ZNF737: variants seen among roughly 807,000 people sequenced by gnomAD.
The protein encoded by ZNF737 is zinc finger protein 737.
ZNF737 carries 13 observed loss-of-function variants against 11.7 expected under a neutral mutation model. The observed-to-expected ratio is 1.11, with a 90% CI of 0.73 to 1.77. The LOEUF (loss-of-function observed/expected upper bound fraction) is 1.77, where lower values mean the gene tolerates loss of function less well. ZNF737 is among the 40% of genes most tolerant of loss of function. The pLI is 0.00. For synonymous variants in ZNF737, 217 were observed against 216.2 expected, an observed-to-expected ratio of 1.00 and a Z score of -0.03; for missense variants, 636 against 638.0, an observed-to-expected ratio of 1.00 and a Z score of 0.03.
At position 20,543,087 on chromosome 19, in the gene ZNF737, C is replaced by G; in HGVS notation, c.*1505G>C. 1.0e-6 allele frequency: 1 copy of G among 971,228 alleles called. No homozygotes were observed. Among genetic ancestry groups the G allele is most frequent in the South Asian group, 4.8e-5 (1 of 20,906 alleles). The allele number at this position is 971,228 out of a possible 1,614,324, so 60.2% of individuals were successfully genotyped here. Reference sequence around the variant, plus strand: ...GGGGCCTTAGTTATTCTACTGTAAACTCTCTTGATATTTATATACAATCTA... The same window carrying G: ...GGGGCCTTAGTTATTCTACTGTAAAGTCTCTTGATATTTATATACAATCTA... On this transcript the variant is annotated 3_prime_UTR_variant, in exon 4 of 4. Coordinates refer to ENST00000427401, the MANE Select transcript of ZNF737 (RefSeq NM_001159293.2).
chr19:20,548,962 G>GAAAAAAAAAAAAAAAAAAAA (rs3047010), intron 3 of ZNF737, among the ~76,000 whole-genome samples: 1 of 86,442 alleles, frequency 1.2e-5, no homozygotes, highest in Non-Finnish European at 2.0e-5. Context: ...AAGAAAAACT[G>GAAAAAAAAAAAAAAAAAAAA]AAAAAAAAAA....
Position 20,539,016 on chromosome 19 carries a change from C to T in ZNF737, c.*5576G>A, listed in dbSNP as rs782400563. Reference sequence around the variant, plus strand: ...TTCCTGCCTACCAAAATTATTCTGGCTGGGAAAAGTGGCTCATGCCTGTAA... The same window carrying T: ...TTCCTGCCTACCAAAATTATTCTGGTTGGGAAAAGTGGCTCATGCCTGTAA... On this transcript the variant is annotated 3_prime_UTR_variant, in exon 4 of 4. Coordinates refer to ENST00000427401, the MANE Select transcript of ZNF737 (RefSeq NM_001159293.2). The T allele has an allele frequency of 6.1e-6, 6 of 985,330 alleles. No individual in the cohort carries two copies. Among genetic ancestry groups the T allele is most frequent in the Non-Finnish European group, 7.2e-6 (6 of 829,862 alleles). 61.0% of individuals were successfully genotyped at this position (985,330 alleles called of 1,614,324 possible).
intron 3 of ZNF737, among the ~76,000 whole-genome samples, chr19:20,549,020 A>C (rs1251365385): frequency 6.6e-6 from 1 of 150,826 alleles, no homozygotes; most frequent in Non-Finnish European, 1.5e-5. Flanking sequence ...CAAATCATAG[A>C]AGTGTCTCTC....
At position 20,545,956 on chromosome 19, in the gene ZNF737, G is replaced by C; in HGVS notation, c.247C>G (p.Arg83Gly). ...ATGCTCTGCTCTGGCCAAAGATCTC[G>C]GGCAAAATGAGAACACGTAACTGAA... ...NPSVTCSHFA[R>G]DLWPEQSIKD... The change falls in exon 4 of 4, where the codon CGA becomes GGA. Residue 83 changes from arginine to glycine, a missense_variant. Physicochemically the swap from Arg to Gly is moderately radical, Grantham distance 125. Transcript: ENST00000427401. 1 of 1,550,276 alleles carries C rather than the reference G, an allele frequency of 6.5e-7. No homozygotes were observed. Among genetic ancestry groups the C allele is most frequent in the South Asian group, 1.3e-5 (1 of 79,484 alleles).
chr19:20,550,067 T>C (rs1968610375), intron 3 of ZNF737, among the ~76,000 whole-genome samples: 2 of 152,140 alleles, frequency 1.3e-5, no homozygotes, highest in South Asian at 4.1e-4. Context: ...TAATTATAAA[T>C]AGAAGATTCT....
chr19:20,531,308 C>T (rs1241635972), downstream of ZNF737, among the ~76,000 whole-genome samples: 4 of 147,610 alleles, frequency 2.7e-5, no homozygotes, highest in African/African-American at 1.0e-4. Context: ...TGTTCGAACG[C>T]CTCCAACACT....
Position 20,552,515 on chromosome 19 carries a change from A to G in ZNF737, c.186T>C (p.Pro62=). 2 of 1,594,760 alleles carry G rather than the reference A, an allele frequency of 1.3e-6. No homozygotes were observed. Among genetic ancestry groups the G allele is most frequent in the East Asian group, 2.3e-5 (1 of 44,260 alleles). Residue 62 remains proline (P), a synonymous_variant, in exon 3 of 4, where the codon CCT becomes CCC. Transcript: ENST00000427401. ...LITCLEQGKK[P]LTMKKHEMVA... The stretch of plus-strand genomic sequence containing the variant: ...CCATCTCATGTTTCTTCATGGTCAA[A>G]GGTTTTTTTCCTTGCTCCAGACAGG...
In ZNF737 at chr19:20,540,902, A is replaced by G. The variant is rs1968177356; in HGVS notation, c.*3690T>C. The G allele has an allele frequency of 2.1e-6, 2 of 965,244 alleles. No homozygotes were observed. Among genetic ancestry groups the G allele is most frequent in the African/African-American group, 1.8e-5 (1 of 56,816 alleles). The allele number at this position is 965,244 out of a possible 1,614,324, so 59.8% of individuals were successfully genotyped here. A position where few individuals can be genotyped will look rare whatever the true frequency, so the allele number is the denominator to read the frequency against. ...TTAAATTATTTTTTATGCACCATTT[A>G]TACATTCACACACACATAGAACAAT... On this transcript the variant is annotated 3_prime_UTR_variant, in exon 4 of 4. Transcript: ENST00000427401.
At chr19:20,533,799 C>A (rs1555753310), downstream of ZNF737, among the ~76,000 whole-genome samples, 1 of 150,040 alleles carries the variant, frequency 6.7e-6, no homozygotes, top group Non-Finnish European at 1.5e-5. Context: ...AGATAATTAG[C>A]TGATCGGGAT....
rs543734864 is a variant in ZNF737 at position 20,564,658 on chromosome 19, A to T, written c.3+980T>A. ...AGAGCGAGACTCCGTCTCAAAAAAAAAAAAATAAAAATAATAAATTGAGGA... is the reference window on the plus strand; with the variant it reads ...AGAGCGAGACTCCGTCTCAAAAAAATAAAAATAAAAATAATAAATTGAGGA... On this transcript the variant is annotated intron_variant, in intron 1 of 3. Coordinates refer to ENST00000427401, the MANE Select transcript of ZNF737 (RefSeq NM_001159293.2). Among the ~76,000 whole-genome samples the T allele has an allele frequency of 1.4e-4, 22 of 152,116 alleles. No homozygotes were observed. In the East Asian group the frequency reaches 3.1e-3, roughly 21 times the overall value.
At chr19:20,549,649 G>T (rs1225371154) in intron 3 of ZNF737, among the ~76,000 whole-genome samples, 6 of 151,952 alleles carry the variant, frequency 3.9e-5, no homozygotes, top group Non-Finnish European at 7.4e-5. Context: ...AAATTGTCAG[G>T]CCGGGCACAG....
At chr19:20,558,521 C>T (rs1039729041) in intron 1 of ZNF737, among the ~76,000 whole-genome samples, 2 of 151,562 alleles carry the variant, frequency 1.3e-5, no homozygotes, top group Non-Finnish European at 2.9e-5. Context: ...TTTTTAATGG[C>T]CATATAAAAT....
At chr19:20,549,772 A>G (rs1239431134) in intron 3 of ZNF737, among the ~76,000 whole-genome samples, 1 of 151,934 alleles carries the variant, frequency 6.6e-6, no homozygotes, top group Non-Finnish European at 1.5e-5. Context: ...TCTACTAAAA[A>G]TACAAAAATT....
In ZNF737 at chr19:20,541,681, C is replaced by T. The variant is rs1186427977; in HGVS notation, c.*2911G>A. On this transcript the variant is annotated 3_prime_UTR_variant, in exon 4 of 4. Coordinates refer to ENST00000427401, the MANE Select transcript of ZNF737 (RefSeq NM_001159293.2). The stretch of plus-strand genomic sequence containing the variant: ...CCTCAAGCATTCCACCTGTCTCGGC[C>T]TCCCAAAGTGCTGGAATTACAGATG... 6.6e-6 allele frequency among the ~76,000 whole-genome samples: 1 copy of T among 152,204 alleles called. No individual in the cohort carries two copies. Among genetic ancestry groups the T allele is most frequent in the African/African-American group, 2.4e-5 (1 of 41,460 alleles).
rs1414087483 is a variant in ZNF737, at chr19:20,540,894, C to T, written c.*3698G>A. ...TTTCTGGCTTAAATTATTTTTTATG[C>T]ACCATTTATACATTCACACACACAT... On this transcript the variant is annotated 3_prime_UTR_variant, in exon 4 of 4. Coordinates refer to ENST00000427401, the MANE Select transcript of ZNF737 (RefSeq NM_001159293.2). 1.0e-6 allele frequency: 1 copy of T among 963,294 alleles called. No homozygotes were observed. The highest frequency in any genetic ancestry group is 1.2e-6 in the Non-Finnish European group (1 of 809,986). 59.7% of individuals were successfully genotyped at this position (963,294 alleles called of 1,614,324 possible).
rs148647271 is a variant in ZNF737, at chr19:20,559,940, G to A, written c.3+5698C>T. On this transcript the variant is annotated intron_variant, in intron 1 of 3. Coordinates refer to ENST00000427401, the MANE Select transcript of ZNF737 (RefSeq NM_001159293.2). ...CCAGCACTTTGGGAGGCCGAGGCGGGTGGATCATGAGGTCAGGAGATCGAG... is the reference window on the plus strand; with the variant it reads ...CCAGCACTTTGGGAGGCCGAGGCGGATGGATCATGAGGTCAGGAGATCGAG... 5.8e-3 allele frequency among the ~76,000 whole-genome samples: 883 copies of A among 151,948 alleles called. 16 individuals carry two copies. Among genetic ancestry groups the A allele is most frequent in the Admixed American group, 0.031 (466 of 15,232 alleles).
chr19:20,535,858 A>AT (rs1555753737), downstream of ZNF737: 3 of 158,524 alleles, frequency 1.9e-5, no homozygotes, highest in African/African-American at 7.2e-5. Flanking sequence ...AAAGTGTAAA[A>AT]AAAAAAAAAA....
chr19:20,542,041 T>G lies in ZNF737; in HGVS notation c.*2551A>C. The G allele has an allele frequency of 3.0e-6, 3 of 985,072 alleles. No individual in the cohort carries two copies. The highest frequency in any genetic ancestry group is 3.6e-6 in the Non-Finnish European group (3 of 829,662). The allele number at this position is 985,072 out of a possible 1,614,324, so 61.0% of individuals were successfully genotyped here. A position where few individuals can be genotyped will look rare whatever the true frequency, so the allele number is the denominator to read the frequency against. On this transcript the variant is annotated 3_prime_UTR_variant, in exon 4 of 4. Coordinates refer to ENST00000427401, the MANE Select transcript of ZNF737 (RefSeq NM_001159293.2). Reference sequence around the variant, plus strand: ...GAACAATATTTAACTCATTTGCAGTTTAAAGCCACTGACAGTGATTACTAA... The same window carrying G: ...GAACAATATTTAACTCATTTGCAGTGTAAAGCCACTGACAGTGATTACTAA...
At position 20,542,980 on chromosome 19, in the gene ZNF737, TAG is replaced by T; in HGVS notation, c.*1610_*1611del. ...AAAATCTACTCCTTTTAAAGTTAAA[TAG>T]AAATCATTTACCTAAAAACTGCAGT... On this transcript the variant is annotated 3_prime_UTR_variant, in exon 4 of 4. Coordinates refer to ENST00000427401, the MANE Select transcript of ZNF737 (RefSeq NM_001159293.2). 1.0e-6 allele frequency: 1 copy of T among 985,050 alleles called. No individual in the cohort carries two copies. Among genetic ancestry groups the T allele is most frequent in the Non-Finnish European group, 1.2e-6 (1 of 829,572 alleles). 61.0% of individuals were successfully genotyped at this position (985,050 alleles called of 1,614,324 possible). A position where few individuals can be genotyped will look rare whatever the true frequency, so the allele number is the denominator to read the frequency against.
Sources: allele counts gnomAD v4.1 joint callset (sites outside exome capture counted in the v4.1 genomes callset), GRCh38; gene constraint gnomAD v4.1.1; transcripts MANE v1.5; gene names NCBI Gene and HGNC (gene_info 2026-07-23, HGNC 2026-07-21).